Variants in ATXN10 observed in about 807,000 individuals in gnomAD.
The protein encoded by ATXN10 is ataxin-10.
In ATXN10, 28 loss-of-function variants were observed where a neutral mutation model predicts 52.9. The observed-to-expected ratio is 0.53, with a 90% CI of 0.39 to 0.73. ATXN10 has a LOEUF of 0.73. ATXN10 is among the 30% of genes least tolerant of loss of function. ATXN10 has a pLI of 0.00. For missense variants in ATXN10, 565 were observed against 577.0 expected (o/e 0.98, Z 0.21); for synonymous variants, 226 against 221.5 (o/e 1.02, Z -0.18).
At chr22:45,806,892 G>C (rs1928116556) in intron 9 of ATXN10, 67 bp from the exon 10 acceptor site, 3 of 1,223,752 alleles carry the variant, frequency 2.5e-6, no homozygotes, top group Admixed American at 3.4e-5. Context: ...AAAGGAACAA[G>C]TCATCTGTAA....
intron 9 of ATXN10, among the ~76,000 whole-genome samples, chr22:45,804,372 C>T (rs1481463388): frequency 6.6e-6 from 1 of 152,208 alleles, no homozygotes; most frequent in Non-Finnish European, 1.5e-5. Flanking sequence ...TAGTTCATTT[C>T]CCATCACACC....
chr22:45,752,029 T>C (rs1171371613), intron 9 of ATXN10, among the ~76,000 whole-genome samples: 1 of 152,102 alleles, frequency 6.6e-6, no homozygotes, highest in Non-Finnish European at 1.5e-5. Context: ...CATATTCTAA[T>C]AGAACAAAAA....
At chr22:45,756,752 C>T (rs548534338) in intron 9 of ATXN10, among the ~76,000 whole-genome samples, 32 of 152,302 alleles carry the variant, frequency 2.1e-4, no homozygotes, top group Non-Finnish European at 3.5e-4. Flanking sequence ...CTACAAGCTG[C>T]ACTTAGCTCA....
At position 45,774,650 on chromosome 22, in the gene ATXN10, G is replaced by A. The variant is rs1446487814; in HGVS notation, c.1174-32309G>A. Among the ~76,000 whole-genome samples the A allele has an allele frequency of 6.6e-6, 1 of 152,158 alleles. No individual in the cohort carries two copies. Among genetic ancestry groups the A allele is most frequent in the Non-Finnish European group, 1.5e-5 (1 of 68,020 alleles). On this transcript the variant is annotated intron_variant, in intron 9 of 11. Transcript: ENST00000252934. This position sits in a 1 kb window ranked among gnomAD's most constrained non-coding sequence, Gnocchi z 6.2. The stretch of plus-strand genomic sequence containing the variant: ...TGTTTTTTACAAAATAAAGGCAGGG[G>A]GGCTGGACGCGGTGGCTCACGCTTA...
rs1929330465 is a variant in ATXN10, at chr22:45,841,033, A to G, written c.1238-1958A>G. ...TAATTCATTGTTGAGAAGTTGACGGATATGTTGGAAGTGCTTGATACCGGG... is the reference window on the plus strand; with the variant it reads ...TAATTCATTGTTGAGAAGTTGACGGGTATGTTGGAAGTGCTTGATACCGGG... On this transcript the variant is annotated intron_variant, in intron 10 of 11. Coordinates refer to ENST00000252934, the MANE Select transcript of ATXN10 (RefSeq NM_013236.4). The surrounding 1 kb of genome is among the most constrained non-coding windows in gnomAD (Gnocchi z 5.1). Among the ~76,000 whole-genome samples, 1 of 152,212 alleles carries G rather than the reference A, an allele frequency of 6.6e-6. No individual in the cohort carries two copies. Among genetic ancestry groups the G allele is most frequent in the African/African-American group, 2.4e-5 (1 of 41,444 alleles).
At chr22:45,699,352 T>C (rs1418502472) in intron 3 of ATXN10, among the ~76,000 whole-genome samples, 1 of 152,162 alleles carries the variant, frequency 6.6e-6, no homozygotes, top group African/African-American at 2.4e-5. Flanking sequence ...TAATCTTATG[T>C]GCCTGATGAG....
In ATXN10 at chr22:45,735,295, A is replaced by AT. The variant is rs113418865; in HGVS notation, c.895-3424dup. On this transcript the variant is annotated intron_variant, in intron 7 of 11. Transcript: ENST00000252934. ...GTGAATAATCTTATCCTTTCCACTAATTTTTTTTTTTTAATTGAGACAGGG... is the reference window on the plus strand; with the variant it reads ...GTGAATAATCTTATCCTTTCCACTAATTTTTTTTTTTTTAATTGAGACAGGG... Among the ~76,000 whole-genome samples, 782 of 146,358 alleles carry AT rather than the reference A, an allele frequency of 5.3e-3. 6 individuals are homozygous for AT. The highest frequency in any genetic ancestry group is 0.017 in the African/African-American group (685 of 40,172).
chr22:45,683,046 C>T lies in ATXN10; in HGVS notation c.117-6666C>T, dbSNP rs1357528331. ...CTCAGAACCTTCCATGGGCCGGGCA[C>T]GGTGGCTCACGCCTGTCATCCCAGC... On this transcript the variant is annotated intron_variant, in intron 1 of 11. Transcript: ENST00000252934. The surrounding 1 kb of genome is among the most constrained non-coding windows in gnomAD (Gnocchi z 4.8). Among the ~76,000 whole-genome samples, 3 of 152,194 alleles carry T rather than the reference C, an allele frequency of 2.0e-5. No individual in the cohort carries two copies. The highest frequency in any genetic ancestry group is 6.5e-5 in the Admixed American group (1 of 15,284).
intron 5 of ATXN10, among the ~76,000 whole-genome samples, chr22:45,703,487 T>G (rs932745351): frequency 7.9e-5 from 12 of 152,192 alleles, no homozygotes; most frequent in African/African-American, 2.9e-4. Context: ...TTTGAATACT[T>G]TTTTTCAGGC....
chr22:45,691,692 G>A (rs944263243), intron 2 of ATXN10, among the ~76,000 whole-genome samples: 1 of 152,174 alleles, frequency 6.6e-6, no homozygotes, highest in Non-Finnish European at 1.5e-5. Context: ...TCAGGAGTTC[G>A]AGACCAGCCT....
chr22:45,788,186 A>C (rs960957554), intron 9 of ATXN10, among the ~76,000 whole-genome samples: 1 of 152,146 alleles, frequency 6.6e-6, no homozygotes, highest in African/African-American at 2.4e-5. Flanking sequence ...ACTAGGGGAC[A>C]TAACTGCTCA....
intron 9 of ATXN10, among the ~76,000 whole-genome samples, chr22:45,758,280 T>C (rs1926248751): frequency 6.6e-6 from 1 of 152,214 alleles, no homozygotes; most frequent in East Asian, 1.9e-4. Flanking sequence ...GCATAGGTAC[T>C]TGACAGACCA....
intron 5 of ATXN10, among the ~76,000 whole-genome samples, chr22:45,706,038 A>G (rs1412213238): frequency 6.6e-6 from 1 of 152,136 alleles, no homozygotes; most frequent in Non-Finnish European, 1.5e-5. Flanking sequence ...ACTCCTTATG[A>G]GAATCTATTA....
rs1276610958 is a variant in ATXN10 at position 45,833,055 on chromosome 22, A to G, written c.1238-9936A>G. On this transcript the variant is annotated intron_variant, in intron 10 of 11. Transcript: ENST00000252934. This position sits in a 1 kb window ranked among gnomAD's most constrained non-coding sequence, Gnocchi z 4.3. ...CCTGATGAGGACAAATTAGAATTAG[A>G]GATCTCCTTGTTGAAAGAAATCAAT... Among the ~76,000 whole-genome samples the G allele has an allele frequency of 1.3e-5, 2 of 152,240 alleles. No individual in the cohort carries two copies. The highest frequency in any genetic ancestry group is 3.8e-4 in the East Asian group (2 of 5,202).
chr22:45,807,385 T>G (rs1271855690), intron 10 of ATXN10, among the ~76,000 whole-genome samples: 2 of 152,298 alleles, frequency 1.3e-5, no homozygotes, highest in South Asian at 2.1e-4. Flanking sequence ...GCATATTGTT[T>G]TGCTATAGAG....
At chr22:45,798,401 C>G (rs977161631) in intron 9 of ATXN10, among the ~76,000 whole-genome samples, 1 of 152,192 alleles carries the variant, frequency 6.6e-6, no homozygotes, top group African/African-American at 2.4e-5. Flanking sequence ...TTAATTCTCC[C>G]ATATTAACAG....
chr22:45,838,979 G>A (rs1192914480), intron 10 of ATXN10, among the ~76,000 whole-genome samples: 2 of 152,242 alleles, frequency 1.3e-5, no homozygotes, highest in Admixed American at 6.5e-5. Flanking sequence ...CTCACTTAGA[G>A]GGGGCAGTGG....
chr22:45,711,449 C>CTGT (rs1381830474), intron 5 of ATXN10, among the ~76,000 whole-genome samples: 1 of 152,102 alleles, frequency 6.6e-6, no homozygotes, highest in Admixed American at 6.5e-5. Flanking sequence ...GAGAGGGGAT[C>CTGT]TGTGACCCTG....
At chr22:45,836,060 G>A (rs536538308) in intron 10 of ATXN10, among the ~76,000 whole-genome samples, 31 of 152,304 alleles carry the variant, frequency 2.0e-4, no homozygotes, top group African/African-American at 7.2e-4. Context: ...ATACCAGATA[G>A]ACCAACAATT....
Sources: allele counts gnomAD v4.1 joint callset (sites outside exome capture counted in the v4.1 genomes callset), GRCh38; gene constraint gnomAD v4.1.1; non-coding constraint Gnocchi (gnomAD v3.1); transcripts MANE v1.5; gene names NCBI Gene and HGNC (gene_info 2026-07-23, HGNC 2026-07-21).